Variants in ANKRD6 observed in about 807,000 individuals in gnomAD.
The protein encoded by ANKRD6 is ankyrin repeat domain 6, also known as ankyrin repeat domain-containing protein 6.
A neutral mutation model predicts 82.3 loss-of-function variants in ANKRD6; 56 were observed. That is an observed-to-expected ratio of 0.68 (90% CI 0.55 to 0.85). ANKRD6 has a LOEUF of 0.85. Ranked by LOEUF, ANKRD6 falls within the 40% of genes least tolerant of loss-of-function variation. The pLI, the probability that ANKRD6 is intolerant of heterozygous loss-of-function variation, is 0.00. For synonymous variants in ANKRD6, 347 were observed against 352.1 expected, an observed-to-expected ratio of 0.99 and a Z score of 0.16; for missense variants, 852 against 907.6, an observed-to-expected ratio of 0.94 and a Z score of 0.79.
chr6:89,530,005 G>C (rs551561223), intron 1 of ANKRD6, among the ~76,000 whole-genome samples: 2 of 152,186 alleles, frequency 1.3e-5, no homozygotes, highest in South Asian at 4.1e-4. Flanking sequence ...TGTAATCCTA[G>C]CACTTGGGGA....
chr6:89,456,362 C>G (rs547620424), intron 1 of ANKRD6, among the ~76,000 whole-genome samples: 1 of 152,286 alleles, frequency 6.6e-6, no homozygotes, highest in African/African-American at 2.4e-5. Context: ...GTGACATAAA[C>G]AATAGCAGTT....
At chr6:89,466,009 AAAG>A (rs1165819562) in intron 1 of ANKRD6, among the ~76,000 whole-genome samples, 4 of 152,234 alleles carry the variant, frequency 2.6e-5, no homozygotes, top group Non-Finnish European at 4.4e-5. Context: ...AATGAGCAGA[AAAG>A]AAGATAATCC....
chr6:89,495,922 G>A (rs2224726), intron 1 of ANKRD6, among the ~76,000 whole-genome samples: 2 of 152,040 alleles, frequency 1.3e-5, no homozygotes, highest in African/African-American at 4.8e-5. Context: ...TCTGACTTGC[G>A]CACATTCTCT....
At chr6:89,498,655 G>T (rs1778924419) in intron 1 of ANKRD6, among the ~76,000 whole-genome samples, 1 of 152,178 alleles carries the variant, frequency 6.6e-6, no homozygotes, top group Non-Finnish European at 1.5e-5. Context: ...ATGCAGAGAA[G>T]TGAACACGGA....
intron 1 of ANKRD6, among the ~76,000 whole-genome samples, chr6:89,461,730 G>A (rs1774168029): frequency 6.6e-6 from 1 of 152,130 alleles, no homozygotes; most frequent in African/African-American, 2.4e-5. Context: ...TCATACGGCT[G>A]CAGAAATGAA....
At chr6:89,448,519 A>G (rs545754471) in intron 1 of ANKRD6, among the ~76,000 whole-genome samples, 89 of 152,214 alleles carry the variant, frequency 5.8e-4, no homozygotes, top group Non-Finnish European at 1.0e-3. Context: ...CAGTACATCT[A>G]TTTACAGGTG....
At chr6:89,590,389 A>AT (rs749593952) in intron 2 of ANKRD6, among the ~76,000 whole-genome samples, 8 of 152,246 alleles carry the variant, frequency 5.3e-5, no homozygotes, top group Admixed American at 3.3e-4. Flanking sequence ...GGGAGGTTGT[A>AT]TAAAAACTGC....
rs960526536 is a variant in ANKRD6 at position 89,631,532 on chromosome 6, C to G, written c.*528C>G. On this transcript the variant is annotated 3_prime_UTR_variant, in exon 16 of 16. Transcript: ENST00000339746. The stretch of plus-strand genomic sequence containing the variant: ...TCTCCAACTGTTGACATTTTAATCA[C>G]ATGAAAAGTTATCAGATTTTTGAGG... 2.6e-5 allele frequency: 4 copies of G among 152,184 alleles called. No individual in the cohort carries two copies. Among genetic ancestry groups the G allele is most frequent in the African/African-American group, 9.7e-5 (4 of 41,422 alleles). 9.4% of individuals were successfully genotyped at this position (152,184 alleles called of 1,614,324 possible).
rs1486429681 is a variant in ANKRD6, at chr6:89,586,180, G to A, written c.121-9736G>A. 3.9e-5 allele frequency among the ~76,000 whole-genome samples: 6 copies of A among 152,174 alleles called. No homozygotes were observed. The South Asian group carries it at 1.2e-3, about 31-fold the overall frequency. On this transcript the variant is annotated intron_variant, in intron 2 of 15. Transcript: ENST00000339746. ...ATAATAATACAGTGTGATCAGGTGG[G>A]TTCCAGGAATGCAAGGATTGTTCCA...
intron 5 of ANKRD6, among the ~76,000 whole-genome samples, 174 bp downstream of exon 5, chr6:89,606,279 G>A (rs915837633): frequency 1.3e-5 from 2 of 152,174 alleles, no homozygotes; most frequent in African/African-American, 4.8e-5. Flanking sequence ...GAAGCTGATT[G>A]ATATTCCAGG....
chr6:89,476,432 G>T (rs1776046010), intron 1 of ANKRD6, among the ~76,000 whole-genome samples: 1 of 151,946 alleles, frequency 6.6e-6, no homozygotes, highest in Non-Finnish European at 1.5e-5. Flanking sequence ...CAGGTGATCC[G>T]CCCACTTTGA....
At position 89,596,000 on chromosome 6, in the gene ANKRD6, G is replaced by A. The variant is rs370928609; in HGVS notation, c.205G>A (p.Asp69Asn). The change falls in exon 3 of 16, where the codon GAT becomes AAT. Residue 69 changes from aspartate (D) to asparagine (N), a missense_variant. Physicochemically the swap from Asp to Asn is conservative, Grantham distance 23. Transcript: ENST00000339746. ...QILLKAGCDL[D>N]VQDDGDQTAL... ...CTTGCTGAAGGCTGGCTGCGACCTT[G>A]ATGTCCAGGATGATGTGAGTAGAAG... 3.7e-6 allele frequency: 6 copies of A among 1,607,856 alleles called. No individual in the cohort carries two copies. Among genetic ancestry groups the A allele is most frequent in the Admixed American group, 1.7e-5 (1 of 59,256 alleles).
chr6:89,507,079 C>G (rs772975901), intron 1 of ANKRD6, among the ~76,000 whole-genome samples: 2 of 152,214 alleles, frequency 1.3e-5, no homozygotes, highest in Non-Finnish European at 2.9e-5. Flanking sequence ...AACAGGGTAA[C>G]TTTTATTATC....
In ANKRD6 at chr6:89,623,872, G is replaced by A. The variant is rs749113862; in HGVS notation, c.1033G>A (p.Val345Met). The A allele has an allele frequency of 1.2e-6, 2 of 1,611,520 alleles. No homozygotes were observed. Among genetic ancestry groups the A allele is most frequent in the South Asian group, 2.2e-5 (2 of 90,652 alleles). The change falls in exon 12 of 16, where the codon GTG (valine) becomes ATG (methionine). Residue 345 changes from valine to methionine, a missense_variant and splice_region_variant. Coordinates refer to ENST00000339746, the MANE Select transcript of ANKRD6 (RefSeq NM_001242809.2). ...GGTGTTGTCTCTTCCTCTCTTACAGGTGTCAGCATTTTCTGACCCCACCCC... is the reference window on the plus strand; with the variant it reads ...GGTGTTGTCTCTTCCTCTCTTACAGATGTCAGCATTTTCTGACCCCACCCC... ...DDRRRKSRPKVSAFSDPTPPA... is the reference protein window; with the variant it reads ...DDRRRKSRPKMSAFSDPTPPA...
rs1804628568 is a variant in ANKRD6 at position 89,623,969 on chromosome 6, A to G, written c.1130A>G (p.His377Arg). 6.2e-7 allele frequency: 1 copy of G among 1,610,084 alleles called. No homozygotes were observed. Among genetic ancestry groups the G allele is most frequent in the African/African-American group, 1.3e-5 (1 of 74,798 alleles). ...AATCACCCTAAAAAGAGGAACAGGC[A>G]TCGGTGTTCATCCCCACCCCCACCC... ...AHNHPKKRNR[H>R]RCSSPPPPHE... The change falls in exon 12 of 16, where the codon CAT becomes CGT. Residue 377 changes from histidine (H) to arginine (R), a missense_variant. By Grantham distance (29) the His-to-Arg change is conservative. Coordinates refer to ENST00000339746, the MANE Select transcript of ANKRD6 (RefSeq NM_001242809.2).
intron 1 of ANKRD6, among the ~76,000 whole-genome samples, chr6:89,500,361 C>A (rs1779130116): frequency 6.6e-6 from 1 of 152,060 alleles, no homozygotes; most frequent in Non-Finnish European, 1.5e-5. Flanking sequence ...GAAATACTAC[C>A]CTGAAGTTCC....
chr6:89,527,491 G>A (rs1356629692), intron 1 of ANKRD6, among the ~76,000 whole-genome samples: 4 of 151,312 alleles, frequency 2.6e-5, no homozygotes, highest in Admixed American at 6.6e-5. Context: ...CTACTTGGGA[G>A]GCTGAGGCAG....
intron 1 of ANKRD6, among the ~76,000 whole-genome samples, chr6:89,510,281 T>C (rs535288435): frequency 3.3e-5 from 5 of 152,350 alleles, no homozygotes; most frequent in Admixed American, 3.3e-4. Context: ...TACTACAGCA[T>C]AATTTAGCCT....
At chr6:89,519,687 A>T (rs1195534484) in intron 1 of ANKRD6, among the ~76,000 whole-genome samples, 1 of 152,228 alleles carries the variant, frequency 6.6e-6, no homozygotes, top group Non-Finnish European at 1.5e-5. Context: ...GGGCCTACAG[A>T]TAGTAATAGC....
Sources: allele counts gnomAD v4.1 joint callset (sites outside exome capture counted in the v4.1 genomes callset), GRCh38; gene constraint gnomAD v4.1.1; transcripts MANE v1.5; gene names NCBI Gene and HGNC (gene_info 2026-07-23, HGNC 2026-07-21).